Variants in ENOX1 observed in about 807,000 individuals in gnomAD.
The protein encoded by ENOX1 is ecto-NOX disulfide-thiol exchanger 1.
Under a neutral mutation model 82.5 loss-of-function variants are expected in ENOX1, and 42 were observed. That is an observed-to-expected ratio of 0.51 (90% confidence interval 0.40 to 0.66). The LOEUF is 0.66. Ranked by LOEUF, ENOX1 falls within the 30% of genes least tolerant of loss-of-function variation. ENOX1 has a pLI of 0.00. For missense variants in ENOX1, 608 were observed against 811.6 expected, an observed-to-expected ratio of 0.75 and a Z score of 3.05; for synonymous variants, 271 against 282.2, an observed-to-expected ratio of 0.96 and a Z score of 0.40.
intron 3 of ENOX1, among the ~76,000 whole-genome samples, chr13:43,441,888 G>T (rs1025283376): frequency 1.3e-4 from 20 of 152,026 alleles, no homozygotes; most frequent in Admixed American, 3.9e-4. Flanking sequence ...AGAGGTAGAA[G>T]GAGGGATGTT....
intron 8 of ENOX1, among the ~76,000 whole-genome samples, chr13:43,348,130 C>G (rs1452503009): frequency 6.6e-6 from 1 of 152,172 alleles, no homozygotes; most frequent in African/African-American, 2.4e-5. Context: ...CACTCCTGGT[C>G]CCCCTGGTCA....
chr13:43,343,454 T>G (rs1286617511), intron 9 of ENOX1, among the ~76,000 whole-genome samples: 1 of 152,236 alleles, frequency 6.6e-6, no homozygotes, highest in Non-Finnish European at 1.5e-5. Flanking sequence ...ATACTGGATA[T>G]TTGATCACTT....
At chr13:43,287,602 C>T (rs1222015553) in intron 12 of ENOX1, among the ~76,000 whole-genome samples, 1 of 152,126 alleles carries the variant, frequency 6.6e-6, no homozygotes, top group South Asian at 2.1e-4. Flanking sequence ...ATTATTCATG[C>T]CCTTAGGTGG....
intron 9 of ENOX1, among the ~76,000 whole-genome samples, chr13:43,335,432 T>A (rs2048642549): frequency 6.6e-6 from 1 of 152,196 alleles, no homozygotes; most frequent in African/African-American, 2.4e-5. Context: ...ATTTTTTTTA[T>A]GCATGGATTT....
intron 1 of ENOX1, among the ~76,000 whole-genome samples, chr13:43,747,242 C>A (rs1950072393): frequency 6.6e-6 from 1 of 152,028 alleles, no homozygotes; most frequent in South Asian, 2.1e-4. Flanking sequence ...AGTAGACTCT[C>A]AATAAATATT....
rs184196189 is a variant in ENOX1 at position 43,362,918 on chromosome 13, T to A, written c.209-1466A>T. 8.1e-3 allele frequency among the ~76,000 whole-genome samples: 913 copies of A among 112,710 alleles called. 10 individuals carry two copies. The highest frequency in any genetic ancestry group is 0.011 in the Non-Finnish European group (657 of 61,740). The allele number at this position is 112,710 out of a possible 152,430, so 73.9% of individuals were successfully genotyped here. ...CAGTGTGACTTCAGTAAAAGGAGGATTTTTTTTTAAAAGAAAAGAACCCTA... is the reference window on the plus strand; with the variant it reads ...CAGTGTGACTTCAGTAAAAGGAGGAATTTTTTTTAAAAGAAAAGAACCCTA... On this transcript the variant is annotated intron_variant, in intron 5 of 16. Transcript: ENST00000690772.
chr13:43,256,390 T>C (rs1441879484), intron 14 of ENOX1, among the ~76,000 whole-genome samples: 1 of 152,100 alleles, frequency 6.6e-6, no homozygotes, highest in Non-Finnish European at 1.5e-5. Flanking sequence ...GAGAAAATAT[T>C]TGCAAACTCT....
chr13:43,226,147 A>C (rs1566278837), intron 15 of ENOX1, among the ~76,000 whole-genome samples: 1 of 152,182 alleles, frequency 6.6e-6, no homozygotes, highest in East Asian at 1.9e-4. Flanking sequence ...ATTCTGGTGA[A>C]GTGGCATTCT....
chr13:43,462,058 CACAG>C lies in ENOX1; in HGVS notation c.-75+21947_-75+21950del, dbSNP rs1384530274. The stretch of plus-strand genomic sequence containing the variant: ...TGGGCCCACTCAAGAGACCTGATCA[CACAG>C]ACAGTGAGGCAGGTGCTGCATAGAT... On this transcript the variant is annotated intron_variant, in intron 3 of 16. Transcript: ENST00000690772. Among the ~76,000 whole-genome samples the C allele has an allele frequency of 2.0e-5, 3 of 152,172 alleles. No individual in the cohort carries two copies. In the East Asian group the frequency reaches 5.8e-4, roughly 29 times the overall value.
intron 2 of ENOX1, among the ~76,000 whole-genome samples, chr13:43,520,293 C>T (rs574243567): frequency 6.6e-6 from 1 of 152,240 alleles, no homozygotes; most frequent in South Asian, 2.1e-4. Context: ...ACAAACTTTA[C>T]TGGAATGTAC....
rs548736370 is a variant in ENOX1, at chr13:43,453,051, GT to G, written c.-75+30957del. ...GAAGCTATGAATGCAAGTCCAAGCT[GT>G]GCTATGCTTGCTATATCATTATTTG... On this transcript the variant is annotated intron_variant, in intron 3 of 16. Transcript: ENST00000690772. Among the ~76,000 whole-genome samples, 16 of 152,346 alleles carry G rather than the reference GT, an allele frequency of 1.1e-4. No homozygotes were observed. The East Asian group carries it at 3.1e-3, about 29-fold the overall frequency.
intron 2 of ENOX1, among the ~76,000 whole-genome samples, chr13:43,663,227 C>T (rs1250229217): frequency 6.6e-6 from 1 of 152,178 alleles, no homozygotes; most frequent in Non-Finnish European, 1.5e-5. Flanking sequence ...CTGCAAGGAG[C>T]AGGATGAACT....
At chr13:43,766,522 G>A (rs950115244) in intron 1 of ENOX1, among the ~76,000 whole-genome samples, 7 of 152,130 alleles carry the variant, frequency 4.6e-5, no homozygotes, top group African/African-American at 1.2e-4. Context: ...CCCAGCCTCC[G>A]GGACAATGGG....
intron 3 of ENOX1, among the ~76,000 whole-genome samples, chr13:43,464,669 C>T (rs2057641473): frequency 6.6e-6 from 1 of 152,168 alleles, no homozygotes; most frequent in South Asian, 2.1e-4. Context: ...CCACTTTCCC[C>T]CACTGTTAAC....
chr13:43,675,795 G>T (rs2085481915), intron 1 of ENOX1, among the ~76,000 whole-genome samples: 1 of 152,130 alleles, frequency 6.6e-6, no homozygotes, highest in Admixed American at 6.5e-5. Context: ...GGAGCATGTG[G>T]GGCACCCTGC....
chr13:43,436,427 A>G (rs2056032786), intron 3 of ENOX1, among the ~76,000 whole-genome samples: 1 of 152,342 alleles, frequency 6.6e-6, no homozygotes, highest in Admixed American at 6.5e-5. Flanking sequence ...ATAGAAAGTA[A>G]TCTCAGAATT....
chr13:43,392,015 C>T (rs981211689), intron 5 of ENOX1, among the ~76,000 whole-genome samples: 5 of 152,276 alleles, frequency 3.3e-5, no homozygotes, highest in East Asian at 1.9e-4. Flanking sequence ...CTTCTCCAAG[C>T]GAGTCAAGCT....
At chr13:43,393,803 C>T (rs993862902) in intron 5 of ENOX1, among the ~76,000 whole-genome samples, 31 of 152,122 alleles carry the variant, frequency 2.0e-4, no homozygotes, top group African/African-American at 7.0e-4. Context: ...ATGTGTGTCC[C>T]CTCCAAATCT....
intron 3 of ENOX1, among the ~76,000 whole-genome samples, chr13:43,468,223 G>A (rs1014139241): frequency 6.6e-6 from 1 of 150,862 alleles, no homozygotes; most frequent in Non-Finnish European, 1.5e-5. Flanking sequence ...TCACTCTGTC[G>A]CCAGCTGGAG....
Sources: gnomAD v4.1 joint callset for allele counts (sites outside exome capture counted in the v4.1 genomes callset) on GRCh38, gnomAD v4.1.1 for gene constraint, MANE v1.5 for transcripts, NCBI Gene and HGNC (gene_info 2026-07-23, HGNC 2026-07-21) for gene names.